MIA2: variants seen among roughly 807,000 people sequenced by gnomAD.
MIA2 encodes melanoma inhibitory activity protein 2.
A neutral mutation model predicts 167.8 loss-of-function variants in MIA2; 127 were observed. That is an observed-to-expected ratio of 0.76 (90% CI 0.66 to 0.88). The LOEUF (loss-of-function observed/expected upper bound fraction) is 0.88, where lower values mean the gene tolerates loss of function less well. Among genes scored for constraint, MIA2 ranks in the 40% least tolerant of loss-of-function variants. The pLI is 0.00. For missense variants in MIA2, 1,690 were observed against 1,624.7 expected, an observed-to-expected ratio of 1.04 and a Z score of -0.69; for synonymous variants, 552 against 541.9, an observed-to-expected ratio of 1.02 and a Z score of -0.26.
intron 17 of MIA2, among the ~76,000 whole-genome samples, chr14:39,305,713 A>G (rs557728663): frequency 1.3e-5 from 2 of 152,312 alleles, no homozygotes; most frequent in South Asian, 4.1e-4. Flanking sequence ...ACGTGGGTGG[A>G]TCACTTGAGC....
chr14:39,285,730 C>T (rs1277068364), intron 9 of MIA2, among the ~76,000 whole-genome samples: 12 of 122,564 alleles, frequency 9.8e-5, no homozygotes, highest in South Asian at 2.7e-4. Flanking sequence ...CCAGACGGGG[C>T]AGCTGCCGGG....
intron 14 of MIA2, 152 bp downstream of exon 14, chr14:39,300,138 G>C: frequency 1.1e-6 from 1 of 901,926 alleles, no homozygotes; most frequent in East Asian, 2.9e-5. Flanking sequence ...AAGACTTACA[G>C]ATTTGTCATA....
intron 23 of MIA2, 63 bp downstream of exon 23, chr14:39,319,354 CAT>C: frequency 5.2e-6 from 4 of 767,298 alleles, no homozygotes; most frequent in Non-Finnish European, 7.6e-6. Flanking sequence ...ATATATTGCA[CAT>C]ATAGTTTCTA....
At chr14:39,260,884 A>G (rs1052020827) in intron 6 of MIA2, among the ~76,000 whole-genome samples, 6 of 152,138 alleles carry the variant, frequency 3.9e-5, no homozygotes, top group Admixed American at 2.0e-4. Flanking sequence ...TAATTTTTGT[A>G]TAAGGTGTAA....
At chr14:39,335,592 TA>T (rs143841868) in intron 25 of MIA2, among the ~76,000 whole-genome samples, 5,232 of 152,288 alleles carry the variant, frequency 0.034, 116 homozygotes, top group Non-Finnish European at 0.05. Flanking sequence ...GACATTCTTT[TA>T]AAAAATATTT....
chr14:39,363,888 G>GTT (rs1290572271), intron 23 of MIA2, among the ~76,000 whole-genome samples: 3 of 152,146 alleles, frequency 2.0e-5, no homozygotes, highest in African/African-American at 7.2e-5. Flanking sequence ...AAGCTGAAGA[G>GTT]TAAAGCTTTC....
At chr14:39,352,745 G>A (rs2074422784), downstream of MIA2, among the ~76,000 whole-genome samples, 1 of 151,996 alleles carries the variant, frequency 6.6e-6, no homozygotes, top group South Asian at 2.1e-4. Flanking sequence ...ACATTTTTAA[G>A]GTTATTTAAA....
Position 39,348,765 on chromosome 14 carries a change from C to T in MIA2, c.3860C>T (p.Ser1287Phe), listed in dbSNP as rs1443457835. ...DLGNLNVPDS[S>F]LPAENEATGP... ...TAGAATTTAAATGTGCCTGATTCAT[C>T]TCTCCCTGCTGAAAATGAAGCCACT... The change falls in exon 28 of 29, where the codon TCT (serine) becomes TTT (phenylalanine). Residue 1287 changes from serine to phenylalanine, a missense_variant. By Grantham distance (155) the Ser-to-Phe change is radical. Coordinates refer to ENST00000640607, the MANE Select transcript of MIA2 (RefSeq NM_001329214.4). The T allele has an allele frequency of 4.3e-6, 7 of 1,613,818 alleles. No homozygotes were observed. Among genetic ancestry groups the T allele is most frequent in the Non-Finnish European group, 5.9e-6 (7 of 1,179,852 alleles).
At chr14:39,236,072 C>G (rs1025104044) in intron 1 of MIA2, among the ~76,000 whole-genome samples, 6 of 151,858 alleles carry the variant, frequency 4.0e-5, no homozygotes, top group African/African-American at 1.5e-4. Flanking sequence ...TTGGGTTGGG[C>G]GGGGGGCAGG....
intron 9 of MIA2, among the ~76,000 whole-genome samples, chr14:39,285,558 G>A (rs1425646124): frequency 5.9e-4 from 88 of 148,128 alleles, no homozygotes; most frequent in African/African-American, 2.1e-3. Context: ...ATGGCTGGCC[G>A]GGCGGGGGCT....
intron 24 of MIA2, among the ~76,000 whole-genome samples, chr14:39,326,587 TTA>T (rs1781643641): frequency 6.7e-6 from 1 of 150,166 alleles, no homozygotes; most frequent in Non-Finnish European, 1.5e-5. Context: ...ACAAAATCAT[TTA>T]TGCTTTTTAT....
chr14:39,370,430 T>C (rs1365150146), intron 23 of MIA2: 5 of 240,792 alleles, frequency 2.1e-5, no homozygotes, highest in Non-Finnish European at 9.2e-6. Flanking sequence ...AAACTCTCCA[T>C]TGAGGTATGC....
At chr14:39,281,922 A>G (rs990553574) in intron 9 of MIA2, among the ~76,000 whole-genome samples, 5 of 152,090 alleles carry the variant, frequency 3.3e-5, no homozygotes, top group East Asian at 1.9e-4. Context: ...TGCCTGGCCT[A>G]TGCTCTCTTA....
At chr14:39,345,158 A>C (rs1229088618) in intron 25 of MIA2, among the ~76,000 whole-genome samples, 1 of 152,072 alleles carries the variant, frequency 6.6e-6, no homozygotes, top group African/African-American at 2.4e-5. Flanking sequence ...GGCTCACTGC[A>C]ACCTCTGCCC....
At position 39,350,375 on chromosome 14, in the gene MIA2, T is replaced by A. The variant is rs552235301; in HGVS notation, c.*111T>A. ...TGCTCAAATTGAAGCTTAATGGAAT[T>A]ATAATTCTCAGGATAGTATTTTGTA... On this transcript the variant is annotated 3_prime_UTR_variant, in exon 29 of 29. Coordinates refer to ENST00000640607, the MANE Select transcript of MIA2 (RefSeq NM_001329214.4). The A allele has an allele frequency of 1.9e-6, 1 of 529,820 alleles. No homozygotes were observed. The highest frequency in any genetic ancestry group is 2.0e-5 in the African/African-American group (1 of 50,340). The allele number at this position is 529,820 out of a possible 1,614,324, so 32.8% of individuals were successfully genotyped here.
chr14:39,297,811 G>A (rs957392471), intron 13 of MIA2, among the ~76,000 whole-genome samples: 2 of 151,882 alleles, frequency 1.3e-5, no homozygotes, highest in Non-Finnish European at 2.9e-5. Context: ...ACAGACTTTT[G>A]GCCAGTCCTC....
intron 4 of MIA2, among the ~76,000 whole-genome samples, chr14:39,250,709 CAT>C (rs72114250): frequency 0.13 from 18,651 of 143,428 alleles, 1,299 homozygotes; most frequent in African/African-American, 0.19. Context: ...AAAAAATATG[CAT>C]ATATATATAT....
At chr14:39,336,495 A>T (rs1264171272) in intron 25 of MIA2, among the ~76,000 whole-genome samples, 3 of 152,216 alleles carry the variant, frequency 2.0e-5, no homozygotes, top group Non-Finnish European at 2.9e-5. Context: ...TGGTTATTAA[A>T]GGTTAGTACA....
chr14:39,387,640 A>C (rs985504531), exon 24 of MIA2: 4 of 152,258 alleles, frequency 2.6e-5, no homozygotes, highest in Non-Finnish European at 5.9e-5. Context: ...GCTGCCGCAG[A>C]GTTCGAGAGG....
Sources: allele counts gnomAD v4.1 joint callset (sites outside exome capture counted in the v4.1 genomes callset), GRCh38; gene constraint gnomAD v4.1.1; transcripts MANE v1.5; gene names NCBI Gene and HGNC (gene_info 2026-07-23, HGNC 2026-07-21).